CHCHD3: variants seen among roughly 807,000 people sequenced by gnomAD.
CHCHD3 encodes MICOS complex subunit MIC19.
Under a neutral mutation model 38.2 loss-of-function variants are expected in CHCHD3, and 20 were observed. The observed-to-expected ratio is 0.52, with a 90% CI of 0.37 to 0.76. CHCHD3 has a LOEUF of 0.76. Ranked by LOEUF, CHCHD3 falls within the 30% of genes least tolerant of loss-of-function variation. The probability of loss-of-function intolerance (pLI) is 0.00; values close to 1 mark genes in which losing one functional copy is unlikely to be tolerated. For missense variants in CHCHD3, 245 were observed against 279.2 expected, an observed-to-expected ratio of 0.88 and a Z score of 0.87; for synonymous variants, 82 against 100.0, an observed-to-expected ratio of 0.82 and a Z score of 1.07.
chr7:133,047,516 A>G (rs979614644), intron 2 of CHCHD3, among the ~76,000 whole-genome samples: 2 of 152,356 alleles, frequency 1.3e-5, no homozygotes, highest in Middle Eastern at 6.8e-3. Flanking sequence ...ACCACAGAGG[A>G]TAACACATTT....
At chr7:132,941,359 C>G (rs143002697) in intron 4 of CHCHD3, among the ~76,000 whole-genome samples, 3 of 152,240 alleles carry the variant, frequency 2.0e-5, no homozygotes, top group African/African-American at 4.8e-5. Context: ...CCATCCTCAG[C>G]TACATGACAC....
intron 4 of CHCHD3, among the ~76,000 whole-genome samples, chr7:132,924,453 A>G (rs977215329): frequency 6.6e-6 from 1 of 152,206 alleles, no homozygotes; most frequent in African/African-American, 2.4e-5. Flanking sequence ...TTTTAAGTAT[A>G]GGTAAAAATT....
At chr7:133,015,169 C>T (rs1409672175) in intron 3 of CHCHD3, among the ~76,000 whole-genome samples, 1 of 151,952 alleles carries the variant, frequency 6.6e-6, no homozygotes, top group Non-Finnish European at 1.5e-5. Flanking sequence ...TGGCGAAACC[C>T]TGTCTCTATT....
chr7:133,022,261 C>A (rs1315550057), intron 3 of CHCHD3: 1 of 351,872 alleles, frequency 2.8e-6, no homozygotes, highest in Admixed American at 3.3e-5. Flanking sequence ...TGCTTGAGAA[C>A]TGGTCAACAG....
chr7:132,842,750 A>G (rs144246134), intron 5 of CHCHD3, among the ~76,000 whole-genome samples: 1 of 152,284 alleles, frequency 6.6e-6, no homozygotes, highest in East Asian at 1.9e-4. Context: ...ATTCTACAGA[A>G]GCAATATGCC....
intron 2 of CHCHD3, among the ~76,000 whole-genome samples, chr7:133,068,968 G>C (rs1184219605): frequency 1.3e-5 from 2 of 152,098 alleles, no homozygotes; most frequent in Non-Finnish European, 2.9e-5. Context: ...GTCAGGGCTA[G>C]AGATATAATT....
At chr7:132,842,391 C>T (rs560084631) in intron 5 of CHCHD3, among the ~76,000 whole-genome samples, 2 of 152,118 alleles carry the variant, frequency 1.3e-5, no homozygotes, top group Middle Eastern at 3.2e-3. Context: ...CTATCCTTCA[C>T]CTAGGTTCCC....
chr7:132,941,295 C>T (rs1810761554), intron 4 of CHCHD3, among the ~76,000 whole-genome samples: 1 of 152,108 alleles, frequency 6.6e-6, no homozygotes, highest in African/African-American at 2.4e-5. Flanking sequence ...AGGGTAGTTC[C>T]CTGCAAGGGT....
At chr7:132,804,219 T>C (rs1806857423) in intron 6 of CHCHD3, among the ~76,000 whole-genome samples, 2 of 152,164 alleles carry the variant, frequency 1.3e-5, no homozygotes, top group African/African-American at 4.8e-5. Context: ...AATCCTTCCC[T>C]ATTTGGAGAA....
At chr7:133,074,464 TCTGAGAAA>T in intron 1 of CHCHD3, among the ~76,000 whole-genome samples, 1 of 152,162 alleles carries the variant, frequency 6.6e-6, no homozygotes, top group Non-Finnish European at 1.5e-5. Flanking sequence ...CTGAAACCCA[TCTGAGAAA>T]CTGAGAAACT....
chr7:132,835,641 C>T (rs772638700), intron 6 of CHCHD3, among the ~76,000 whole-genome samples: 1 of 152,178 alleles, frequency 6.6e-6, no homozygotes, highest in Non-Finnish European at 1.5e-5. Flanking sequence ...ACCTATCTTT[C>T]TCTATGAAAT....
chr7:133,067,491 T>C (rs2117533273), intron 2 of CHCHD3, among the ~76,000 whole-genome samples: 1 of 152,216 alleles, frequency 6.6e-6, no homozygotes, highest in East Asian at 1.9e-4. Flanking sequence ...GTATTTTAAG[T>C]TCATACATGT....
intron 2 of CHCHD3, among the ~76,000 whole-genome samples, chr7:133,026,937 T>C (rs935433885): frequency 6.6e-6 from 1 of 151,854 alleles, no homozygotes; most frequent in Non-Finnish European, 1.5e-5. Context: ...ATATTGAAAA[T>C]ATTCTTTTTT....
chr7:132,847,331 A>G (rs535383689), intron 5 of CHCHD3: 2 of 152,368 alleles, frequency 1.3e-5, no homozygotes, highest in South Asian at 4.1e-4. Flanking sequence ...GAGCAAATTT[A>G]TTGTACCTGC....
chr7:132,855,248 T>C, intron 5 of CHCHD3, among the ~76,000 whole-genome samples: 1 of 152,306 alleles, frequency 6.6e-6, no homozygotes, highest in South Asian at 2.1e-4. Context: ...ATGCCTTTTG[T>C]TGACCATGGA....
intron 2 of CHCHD3, among the ~76,000 whole-genome samples, chr7:133,047,202 A>G (rs1318162624): frequency 6.6e-6 from 1 of 152,172 alleles, no homozygotes; most frequent in Non-Finnish European, 1.5e-5. Context: ...TTTTTAAAGA[A>G]TTTAACCCAA....
At chr7:132,967,240 A>AC (rs1356194915) in intron 4 of CHCHD3, among the ~76,000 whole-genome samples, 2 of 152,210 alleles carry the variant, frequency 1.3e-5, no homozygotes, top group Non-Finnish European at 2.9e-5. Flanking sequence ...CTTAAATATG[A>AC]CTAATTGTTG....
chr7:132,858,038 T>A (rs576236462), intron 5 of CHCHD3, among the ~76,000 whole-genome samples: 1 of 152,220 alleles, frequency 6.6e-6, no homozygotes, highest in Non-Finnish European at 1.5e-5. Flanking sequence ...GAGTAGGGCT[T>A]TCTTCGATTC....
chr7:133,005,313 G>A (rs1562935383), intron 3 of CHCHD3, among the ~76,000 whole-genome samples: 2 of 152,166 alleles, frequency 1.3e-5, no homozygotes, highest in Non-Finnish European at 2.9e-5. Flanking sequence ...AAGCGCATGT[G>A]TCTCTCTAGG....
Sources: gnomAD v4.1 joint callset for allele counts (sites outside exome capture counted in the v4.1 genomes callset) on GRCh38, gnomAD v4.1.1 for gene constraint, MANE v1.5 for transcripts, NCBI Gene and HGNC (gene_info 2026-07-23, HGNC 2026-07-21) for gene names.